VWF: variants seen among roughly 807,000 people sequenced by gnomAD.
VWF encodes the protein von Willebrand factor.
Under a neutral mutation model 308.6 loss-of-function variants are expected in VWF, and 176 were observed. That is an observed-to-expected ratio of 0.57 (90% CI 0.50 to 0.65). The LOEUF (loss-of-function observed/expected upper bound fraction) is 0.65. Among genes scored for constraint, VWF ranks in the 30% least tolerant of loss-of-function variants. The pLI is 0.00. For missense variants in VWF, 3,146 were observed against 3,648.2 expected, an observed-to-expected ratio of 0.86 and a Z score of 3.55; for synonymous variants, 1,385 against 1,443.4, an observed-to-expected ratio of 0.96 and a Z score of 0.92.
chr12:6,105,937 G>A (rs2136515447), intron 5 of VWF, among the ~76,000 whole-genome samples: 2 of 152,232 alleles, frequency 1.3e-5, no homozygotes, highest in South Asian at 4.1e-4. Flanking sequence ...CAGCTACTCA[G>A]GAGGCTGAGG....
intron 6 of VWF, among the ~76,000 whole-genome samples, chr12:6,076,078 T>C (rs1354725856): frequency 6.6e-6 from 1 of 152,168 alleles, no homozygotes; most frequent in Non-Finnish European, 1.5e-5. Context: ...GATTTTTTTT[T>C]TTTTAAACAC....
intron 39 of VWF, 67 bp downstream of exon 39, chr12:5,985,496 G>T (rs1943669105): frequency 6.6e-7 from 1 of 1,517,678 alleles, no homozygotes; most frequent in African/African-American, 1.4e-5. Flanking sequence ...GTGAAGATGG[G>T]TGGCTGGGGG....
intron 42 of VWF, among the ~76,000 whole-genome samples, chr12:5,978,769 G>A (rs1284149857): frequency 6.6e-6 from 1 of 152,164 alleles, no homozygotes; most frequent in African/African-American, 2.4e-5. Context: ...AAGGTCTGAA[G>A]GCAATGGCAA....
In VWF at chr12:6,046,754, G is replaced by T. The variant is rs765691813; in HGVS notation, c.2250C>A (p.Asp750Glu). 1.2e-6 allele frequency: 2 copies of T among 1,614,064 alleles called. No homozygotes were observed. Among genetic ancestry groups the T allele is most frequent in the Non-Finnish European group, 1.7e-6 (2 of 1,180,044 alleles). ...MSGVPGSLLP[D>E]AVLSSPLSHR... ...GAGACAGGGGACTGCTGAGGACAGC[G>T]TCAGGCAGCAAGCTTCCGGGGACTC... Residue 750 changes from aspartate to glutamate, a missense_variant, in exon 17 of 52, where the codon GAC (aspartate) becomes GAA (glutamate). Asp to Glu is a conservative substitution (Grantham distance 45). Around this residue, in one of 3 missense-constraint regions of VWF, gnomAD observed 1,304 missense variants for 1,353.0 expected, o/e 0.96. Coordinates refer to ENST00000261405, the MANE Select transcript of VWF (RefSeq NM_000552.5). The surrounding 1 kb of genome is among the most constrained non-coding windows in gnomAD (Gnocchi z 5.0).
intron 10 of VWF, among the ~76,000 whole-genome samples, chr12:6,067,769 T>C (rs763164129): frequency 2.0e-5 from 3 of 151,096 alleles, no homozygotes; most frequent in Non-Finnish European, 4.4e-5. Flanking sequence ...CACCACTAGA[T>C]GGAGATGGGC....
chr12:5,983,766 G>C (rs1432026282), intron 40 of VWF, among the ~76,000 whole-genome samples: 5 of 120,436 alleles, frequency 4.2e-5, no homozygotes, highest in Non-Finnish European at 9.1e-5. Flanking sequence ...TACATACATA[G>C]ATATAGGATA....
chr12:6,119,691 C>CA (rs1299015217), intron 3 of VWF, among the ~76,000 whole-genome samples: 1 of 152,028 alleles, frequency 6.6e-6, no homozygotes, highest in Non-Finnish European at 1.5e-5. Flanking sequence ...ACTAAAAATA[C>CA]AAAAATTAGC....
chr12:6,064,412 T>C lies in VWF; in HGVS notation c.1294-28A>G, dbSNP rs970612186. The stretch of plus-strand genomic sequence containing the variant: ...GCCAAGAGGGAACACAGGGTGACTT[T>C]GCTGCACCCCCTGCCTATCCAGCTC... On this transcript the variant is annotated intron_variant, in intron 11 of 51. Transcript: ENST00000261405. 3.1e-6 allele frequency: 5 copies of C among 1,613,370 alleles called. No homozygotes were observed. In the African/African-American group the frequency reaches 5.3e-5, roughly 17 times the overall value.
chr12:6,061,689 A>G (rs1294988703), intron 13 of VWF, among the ~76,000 whole-genome samples: 1 of 152,182 alleles, frequency 6.6e-6, no homozygotes, highest in African/African-American at 2.4e-5. Flanking sequence ...AATCTAGCGC[A>G]GTGGTTCTCA....
chr12:6,006,374 A>C (rs60892779), intron 34 of VWF, among the ~76,000 whole-genome samples: 4,258 of 152,326 alleles, frequency 0.028, 201 homozygotes, highest in African/African-American at 0.096. Context: ...GACTGAAAAT[A>C]ATTACAAAAT....
intron 6 of VWF, among the ~76,000 whole-genome samples, chr12:6,092,526 T>C (rs1045344638): frequency 6.6e-6 from 1 of 151,688 alleles, no homozygotes; most frequent in African/African-American, 2.4e-5. Flanking sequence ...TGTCTGTGTG[T>C]GTGTGTGTGC....
intron 22 of VWF, among the ~76,000 whole-genome samples, chr12:6,028,093 G>A (rs1456075907): frequency 3.3e-5 from 5 of 152,206 alleles, no homozygotes; most frequent in African/African-American, 1.2e-4. Flanking sequence ...CAGGGATGCT[G>A]TGGAGGCCAT....
intron 48 of VWF, 126 bp from the exon 49 acceptor site, chr12:5,952,645 G>GTATA: frequency 7.6e-7 from 1 of 1,314,278 alleles, no homozygotes; most frequent in Non-Finnish European, 1.1e-6. Context: ...AGAAGACAGT[G>GTATA]TATAATAAAG....
At chr12:6,018,060 ATTTT>A (rs67479635) in intron 28 of VWF, among the ~76,000 whole-genome samples, 1 of 146,434 alleles carries the variant, frequency 6.8e-6, no homozygotes, top group African/African-American at 2.5e-5. Flanking sequence ...TAAGACTTGC[ATTTT>A]TTTTTTTTTT....
chr12:6,023,345 G>A (rs375007547), intron 25 of VWF, among the ~76,000 whole-genome samples: 7 of 152,030 alleles, frequency 4.6e-5, no homozygotes, highest in East Asian at 1.9e-4. Flanking sequence ...GACATAAATC[G>A]ACTTCCTTCT....
At chr12:6,030,330 A>G (rs12827149) in intron 21 of VWF, among the ~76,000 whole-genome samples, 37,157 of 152,154 alleles carry the variant, frequency 0.24, 4,810 homozygotes, top group African/African-American at 0.3. Context: ...CTGCTGACTC[A>G]CAGTTAATAC....
Position 6,023,778 on chromosome 12 carries a change from C to T in VWF, c.3232G>A (p.Glu1078Lys), listed in dbSNP as rs267607316. ...FQDCNKLVDP[E>K]PYLDVCIYDT... Reference sequence around the variant, plus strand: ...TAAATGCAGACATCCAGATATGGCTCGGGGTCCACCTGCAAAGGCAGCCTC... The same window carrying T: ...TAAATGCAGACATCCAGATATGGCTTGGGGTCCACCTGCAAAGGCAGCCTC... The change falls in exon 25 of 52, where the codon GAG (glutamate) becomes AAG (lysine). Residue 1078 changes from glutamate to lysine, a missense_variant. By Grantham distance (56) the Glu-to-Lys change is moderately conservative. Coordinates refer to ENST00000261405, the MANE Select transcript of VWF (RefSeq NM_000552.5). The T allele has an allele frequency of 2.5e-6, 4 of 1,612,378 alleles. No individual in the cohort carries two copies. Among genetic ancestry groups the T allele is most frequent in the African/African-American group, 1.3e-5 (1 of 74,328 alleles).
At chr12:5,983,974 G>GGATAGATAGATAGATAGATAGATA (rs71064178) in intron 40 of VWF, among the ~76,000 whole-genome samples, 3 of 132,930 alleles carry the variant, frequency 2.3e-5, no homozygotes, top group African/African-American at 8.2e-5. Context: ...ATGGATAGAT[G>GGATAGATAGATAGATAGATAGATA]GATAGATAGA....
chr12:5,964,238 A>ACATGCATACATACATG (rs1555189787), intron 47 of VWF, among the ~76,000 whole-genome samples: 1 of 138,636 alleles, frequency 7.2e-6, no homozygotes, highest in African/African-American at 3.2e-5. Context: ...ATACATACAT[A>ACATGCATACATACATG]CATACATACA....
Sources: gnomAD v4.1 joint callset for allele counts (sites outside exome capture counted in the v4.1 genomes callset) on GRCh38, gnomAD v4.1.1 for gene constraint, gnomAD v4.1.1 regional missense constraint, Gnocchi (gnomAD v3.1) non-coding constraint, MANE v1.5 for transcripts, NCBI Gene and HGNC (gene_info 2026-07-23, HGNC 2026-07-21) for gene names.